NIPBL: variants seen among roughly 807,000 people sequenced by gnomAD.
NIPBL encodes the protein nipped-B-like protein.
A neutral mutation model predicts 321.8 loss-of-function variants in NIPBL; 19 were observed. The ratio of observed to expected loss-of-function variants is 0.06; its 90% confidence interval spans 0.04 to 0.09. NIPBL has a LOEUF of 0.09. Ranked by LOEUF, NIPBL falls within the 10% of genes least tolerant of loss-of-function variation. The pLI is 1.00. For synonymous variants in NIPBL, 1,106 were observed against 1,114.1 expected, an observed-to-expected ratio of 0.99 and a Z score of 0.14; for missense variants, 2,210 against 3,327.0, an observed-to-expected ratio of 0.66 and a Z score of 8.26.
intron 21 of NIPBL, among the ~76,000 whole-genome samples, chr5:37,013,573 T>G (rs1289957307): frequency 7.0e-6 from 1 of 143,428 alleles, no homozygotes; most frequent in East Asian, 2.1e-4. Flanking sequence ...CCGGACGGGG[T>G]GGCAGGGCAG....
At chr5:36,905,891 C>T (rs923062904) in intron 1 of NIPBL, among the ~76,000 whole-genome samples, 5 of 151,854 alleles carry the variant, frequency 3.3e-5, no homozygotes, top group East Asian at 1.9e-4. Context: ...TACAGGCACC[C>T]GCCACCACAC....
intron 13 of NIPBL, 29 bp downstream of exon 13, chr5:37,000,917 T>G (rs781676357): frequency 1.3e-6 from 2 of 1,595,278 alleles, no homozygotes; most frequent in Non-Finnish European, 1.7e-6. Flanking sequence ...TAATTTGTCT[T>G]TATTCATATT....
intron 1 of NIPBL, among the ~76,000 whole-genome samples, chr5:36,890,233 C>T (rs2149523205): frequency 6.6e-6 from 1 of 151,452 alleles, no homozygotes; most frequent in Middle Eastern, 3.4e-3. Flanking sequence ...AGGCAGTGAA[C>T]ATCTTTATAT....
At chr5:37,054,780 G>A (rs140701287) in intron 42 of NIPBL, among the ~76,000 whole-genome samples, 132 of 152,264 alleles carry the variant, frequency 8.7e-4, no homozygotes, top group Non-Finnish European at 1.7e-3. Flanking sequence ...GAAGGAAGAT[G>A]TTCCAGTCAG....
intron 1 of NIPBL, among the ~76,000 whole-genome samples, chr5:36,916,657 C>A (rs1002125635): frequency 3.9e-5 from 6 of 152,050 alleles, no homozygotes. Flanking sequence ...CCACTCCCCC[C>A]ACCCCACAAC....
chr5:36,924,718 T>C (rs535249104), intron 1 of NIPBL, among the ~76,000 whole-genome samples: 3 of 152,336 alleles, frequency 2.0e-5, no homozygotes, highest in South Asian at 4.1e-4. Flanking sequence ...ACTGCTGTTA[T>C]TATCAACAGT....
intron 41 of NIPBL, 94 bp from the exon 42 acceptor site, chr5:37,052,272 A>G (rs1487638815): frequency 1.1e-6 from 1 of 931,916 alleles, no homozygotes; most frequent in African/African-American, 1.6e-5. Flanking sequence ...AAAAAAAAAC[A>G]ATGAAGCTAG....
chr5:36,969,653 C>G (rs1313947839), intron 6 of NIPBL, among the ~76,000 whole-genome samples: 1 of 152,128 alleles, frequency 6.6e-6, no homozygotes, highest in Non-Finnish European at 1.5e-5. Flanking sequence ...TTAGAAGATA[C>G]AGGAGGCTGT....
At chr5:37,012,499 T>G (rs1315271986) in intron 21 of NIPBL, among the ~76,000 whole-genome samples, 1 of 150,750 alleles carries the variant, frequency 6.6e-6, no homozygotes, top group Non-Finnish European at 1.5e-5. Flanking sequence ...CTTGGGTGTT[T>G]CTCGCAGAGG....
At chr5:36,958,451 T>C (rs1033031257) in intron 4 of NIPBL, among the ~76,000 whole-genome samples, 3 of 152,230 alleles carry the variant, frequency 2.0e-5, no homozygotes, top group Non-Finnish European at 2.9e-5. Context: ...TTGTTAAATA[T>C]GTTGGAATAT....
chr5:37,032,535 T>TGA (rs562384294), intron 32 of NIPBL, among the ~76,000 whole-genome samples: 40 of 151,888 alleles, frequency 2.6e-4, no homozygotes, highest in African/African-American at 8.7e-4. Context: ...CTTAGAAGGT[T>TGA]GAGGCAGGAG....
At chr5:36,900,866 G>GT (rs1488949126) in intron 1 of NIPBL, among the ~76,000 whole-genome samples, 2 of 152,046 alleles carry the variant, frequency 1.3e-5, no homozygotes, top group East Asian at 1.9e-4. Context: ...AAGTTCCAGC[G>GT]TAATTCCATC....
chr5:36,945,205 G>A (rs556611083), intron 1 of NIPBL, among the ~76,000 whole-genome samples: 29 of 152,212 alleles, frequency 1.9e-4, no homozygotes, highest in Admixed American at 1.7e-3. Context: ...CCAGGACACA[G>A]GACTATTTTT....
At chr5:37,007,897 T>TG in intron 18 of NIPBL, 111 bp from the exon 19 acceptor site, 1 of 736,280 alleles carries the variant, frequency 1.4e-6, no homozygotes, top group Admixed American at 2.1e-5. Flanking sequence ...AAAGAAAAAA[T>TG]GCTTTCTTAG....
At chr5:36,968,728 G>C (rs1229074066) in intron 6 of NIPBL, among the ~76,000 whole-genome samples, 2 of 152,062 alleles carry the variant, frequency 1.3e-5, no homozygotes, top group African/African-American at 4.8e-5. Context: ...TTGATTTAAT[G>C]TTACCTAGTG....
chr5:36,997,904 T>G (rs531469984), intron 11 of NIPBL, among the ~76,000 whole-genome samples: 49 of 152,244 alleles, frequency 3.2e-4, no homozygotes, highest in Non-Finnish European at 4.1e-4. Context: ...TTTTTGAAAC[T>G]TAGCAGTTTA....
intron 1 of NIPBL, among the ~76,000 whole-genome samples, chr5:36,887,589 C>T (rs116215185): frequency 2.0e-3 from 308 of 152,252 alleles, no homozygotes; most frequent in African/African-American, 7.1e-3. Flanking sequence ...TTTGACCTCC[C>T]ATTTTTTAAG....
rs1754386588 is a variant in NIPBL, at chr5:37,059,009, A to C, written c.7529A>C (p.Asp2510Ala). The change falls in exon 44 of 47, where the codon GAT (aspartate) becomes GCT (alanine). Residue 2510 changes from aspartate (D) to alanine (A), a missense_variant. By Grantham distance (126) the Asp-to-Ala change is moderately radical. Transcript: ENST00000282516. ...AAGTCACGGAAACGTGTAGATTCAG[A>C]TTCAGATTCAGATTCAGAAGACGAT... Reference protein sequence around the residue: ...PRKSRKRVDSDSDSDSEDDIN... With the variant: ...PRKSRKRVDSASDSDSEDDIN... 1 of 1,613,962 alleles carries C rather than the reference A, an allele frequency of 6.2e-7. No homozygotes were observed. Among genetic ancestry groups the C allele is most frequent in the Non-Finnish European group, 8.5e-7 (1 of 1,180,008 alleles).
intron 39 of NIPBL, among the ~76,000 whole-genome samples, 155 bp downstream of exon 39, chr5:37,048,830 A>G (rs972767977): frequency 3.3e-5 from 5 of 152,188 alleles, no homozygotes; most frequent in Non-Finnish European, 5.9e-5. Context: ...GGGCTTTAGC[A>G]TATTCTTAAA....
Sources: allele counts gnomAD v4.1 joint callset (sites outside exome capture counted in the v4.1 genomes callset), GRCh38; gene constraint gnomAD v4.1.1; transcripts MANE v1.5; gene names NCBI Gene and HGNC (gene_info 2026-07-23, HGNC 2026-07-21).